Variants in ADTRP observed in about 807,000 individuals in gnomAD.
ADTRP encodes the protein androgen dependent TFPI regulating protein.
A neutral mutation model predicts 27.0 loss-of-function variants in ADTRP; 20 were observed. The ratio of observed to expected loss-of-function variants is 0.74; its 90% CI spans 0.52 to 1.08. The LOEUF (loss-of-function observed/expected upper bound fraction) is 1.08. Among genes scored for constraint, ADTRP ranks in the 50% least tolerant of loss-of-function variants. The probability of loss-of-function intolerance (pLI) is 0.00; values close to 1 mark genes in which losing one functional copy is unlikely to be tolerated. For synonymous variants in ADTRP, 101 were observed against 105.2 expected, an observed-to-expected ratio of 0.96 and a Z score of 0.25; for missense variants, 251 against 275.0, an observed-to-expected ratio of 0.91 and a Z score of 0.62.
At chr6:11,770,403 C>T (rs948120402) in intron 1 of ADTRP, among the ~76,000 whole-genome samples, 3 of 152,016 alleles carry the variant, frequency 2.0e-5, no homozygotes, top group Admixed American at 2.0e-4. Flanking sequence ...TGGGGAGATG[C>T]AGGCTGTTGA....
At chr6:11,734,943 G>C (rs913703896) in intron 4 of ADTRP, among the ~76,000 whole-genome samples, 1 of 147,570 alleles carries the variant, frequency 6.8e-6, no homozygotes, top group Admixed American at 6.8e-5. Context: ...TGGAAGAAAA[G>C]TTTCCCACTC....
intron 4 of ADTRP, among the ~76,000 whole-genome samples, chr6:11,733,128 CTGATTT>C (rs1298101115): frequency 2.0e-5 from 3 of 152,198 alleles, no homozygotes; most frequent in Admixed American, 6.5e-5. Flanking sequence ...TTCACACTCT[CTGATTT>C]TATTTGTGGA....
chr6:11,736,843 T>C (rs2235417), intron 3 of ADTRP: 11,015 of 152,302 alleles, frequency 0.072, 770 homozygotes, highest in East Asian at 0.17. Flanking sequence ...TTGTTGCATT[T>C]AGCATGGTGT....
chr6:11,727,959 C>CAGAG (rs1762265764), intron 4 of ADTRP, among the ~76,000 whole-genome samples: 3 of 91,680 alleles, frequency 3.3e-5, no homozygotes, highest in South Asian at 4.0e-4. Flanking sequence ...GGAAGGGAGG[C>CAGAG]AGGGAGGGAG....
At chr6:11,774,579 G>T (rs534789629) in intron 1 of ADTRP, among the ~76,000 whole-genome samples, 1 of 151,746 alleles carries the variant, frequency 6.6e-6, no homozygotes, top group African/African-American at 2.4e-5. Context: ...TGGGGCTTGG[G>T]CAACTTATGA....
chr6:11,760,912 A>G (rs969875100), intron 3 of ADTRP, among the ~76,000 whole-genome samples: 1 of 152,196 alleles, frequency 6.6e-6, no homozygotes, highest in Non-Finnish European at 1.5e-5. Context: ...GGGACAAAGA[A>G]GGTGTCCCTG....
intron 4 of ADTRP, among the ~76,000 whole-genome samples, chr6:11,724,300 A>G (rs1762118466): frequency 6.6e-6 from 1 of 152,068 alleles, no homozygotes; most frequent in Admixed American, 6.5e-5. Flanking sequence ...GGGATGAGGG[A>G]GCAGAGATAG....
chr6:11,762,322 G>A (rs558805712), intron 3 of ADTRP, among the ~76,000 whole-genome samples: 3 of 152,296 alleles, frequency 2.0e-5, no homozygotes, highest in South Asian at 4.1e-4. Flanking sequence ...GTATGCCACT[G>A]CCTTGTGTAA....
chr6:11,753,845 G>A (rs1158126378), intron 3 of ADTRP, among the ~76,000 whole-genome samples: 1 of 152,148 alleles, frequency 6.6e-6, no homozygotes, highest in African/African-American at 2.4e-5. Context: ...GCATTTGCAA[G>A]CAATGGCCAC....
At chr6:11,737,816 T>TGA (rs3068234) in intron 3 of ADTRP, among the ~76,000 whole-genome samples, 5,002 of 152,274 alleles carry the variant, frequency 0.033, 116 homozygotes, top group Middle Eastern at 0.088. Flanking sequence ...AGGTTGGTCC[T>TGA]GAACATACTG....
At chr6:11,776,425 A>T (rs1763957630) in intron 1 of ADTRP, among the ~76,000 whole-genome samples, 1 of 151,974 alleles carries the variant, frequency 6.6e-6, no homozygotes, top group South Asian at 2.1e-4. Context: ...ACCTAAGATT[A>T]AAAAAAACTT....
chr6:11,742,165 C>A (rs1561755310), intron 3 of ADTRP, among the ~76,000 whole-genome samples: 1 of 152,120 alleles, frequency 6.6e-6, no homozygotes, highest in Non-Finnish European at 1.5e-5. Context: ...AGCATAAAAA[C>A]CTTCTGTGGC....
chr6:11,760,176 T>C (rs1226145667), intron 3 of ADTRP, among the ~76,000 whole-genome samples: 1 of 152,236 alleles, frequency 6.6e-6, no homozygotes, highest in Non-Finnish European at 1.5e-5. Context: ...ATTTATTGTG[T>C]GTTTACTGCT....
chr6:11,738,171 C>T (rs1350164899), intron 3 of ADTRP, among the ~76,000 whole-genome samples: 1 of 152,150 alleles, frequency 6.6e-6, no homozygotes, highest in African/African-American at 2.4e-5. Flanking sequence ...TGTCTTTCAT[C>T]TCATCGGTGG....
intron 3 of ADTRP, among the ~76,000 whole-genome samples, chr6:11,764,699 G>A (rs545889781): frequency 1.5e-4 from 23 of 152,104 alleles, no homozygotes; most frequent in Non-Finnish European, 2.8e-4. Flanking sequence ...CATTAGCCTC[G>A]GATTTCCATC....
intron 5 of ADTRP, among the ~76,000 whole-genome samples, chr6:11,719,174 T>C (rs989993739): frequency 2.0e-5 from 3 of 151,816 alleles, no homozygotes; most frequent in Non-Finnish European, 4.4e-5. Context: ...TTGGGAGGAG[T>C]CCAGGGTCCT....
At chr6:11,774,480 C>T (rs1339584370) in intron 1 of ADTRP, among the ~76,000 whole-genome samples, 2 of 152,106 alleles carry the variant, frequency 1.3e-5, no homozygotes. Context: ...CTCTGTTCCC[C>T]CAGCCCCAGG....
chr6:11,764,894 T>TA lies in ADTRP; in HGVS notation c.390+1379dup, dbSNP rs34204085. ...TTGGACAATATAAAGTACCATTTCTTAAAAAAAAAAAAAAAAAAAAAAAGC... is the reference window on the plus strand; with the variant it reads ...TTGGACAATATAAAGTACCATTTCTTAAAAAAAAAAAAAAAAAAAAAAAAGC... On this transcript the variant is annotated intron_variant, in intron 3 of 5. Transcript: ENST00000414691. Among the ~76,000 whole-genome samples the TA allele has an allele frequency of 3.8e-3, 465 of 122,316 alleles. 1 individual carries two copies. Among genetic ancestry groups the TA allele is most frequent in the Middle Eastern group, 0.012 (3 of 244 alleles). The allele number at this position is 122,316 out of a possible 152,430, so 80.2% of individuals were successfully genotyped here. A position where few individuals can be genotyped will look rare whatever the true frequency, so the allele number is the denominator to read the frequency against.
At chr6:11,778,041 T>A (rs1167443126) in intron 1 of ADTRP, among the ~76,000 whole-genome samples, 2 of 152,226 alleles carry the variant, frequency 1.3e-5, no homozygotes, top group African/African-American at 2.4e-5. Flanking sequence ...TTTAAATAGT[T>A]GAAAATGTGT....
Sources: allele counts gnomAD v4.1 joint callset (sites outside exome capture counted in the v4.1 genomes callset), GRCh38; gene constraint gnomAD v4.1.1; transcripts MANE v1.5; gene names NCBI Gene and HGNC (gene_info 2026-07-23, HGNC 2026-07-21).